The following RUNX2 variants were observed in gnomAD, a reference collection of about 807,000 sequenced individuals.
RUNX2 encodes runt-related transcription factor 2.
In RUNX2, 10 loss-of-function variants were observed where a neutral mutation model predicts 51.7. That is an observed-to-expected ratio of 0.19 (90% CI 0.12 to 0.33). The LOEUF is 0.33. Among genes scored for constraint, RUNX2 ranks in the 10% least tolerant of loss-of-function variants. The probability of loss-of-function intolerance (pLI) is 1.00; values close to 1 mark genes in which losing one functional copy is unlikely to be tolerated. For missense variants in RUNX2, 562 were observed against 691.3 expected (o/e 0.81, Z 2.10); for synonymous variants, 276 against 273.6 (o/e 1.01, Z -0.09).
At chr6:45,462,037 C>G (rs961104193) in intron 5 of RUNX2, among the ~76,000 whole-genome samples, 1 of 151,682 alleles carries the variant, frequency 6.6e-6, no homozygotes, top group Admixed American at 6.6e-5. Context: ...GACCCTCATA[C>G]AAACAAATAA....
intron 2 of RUNX2, chr6:45,421,449 C>G (rs1220550590): frequency 6.6e-6 from 1 of 152,184 alleles, no homozygotes; most frequent in African/African-American, 2.4e-5. Context: ...ACACCCAAAC[C>G]CTGCAAAATC....
intron 2 of RUNX2, among the ~76,000 whole-genome samples, chr6:45,331,858 G>A (rs371627897): frequency 6.6e-6 from 1 of 151,830 alleles, no homozygotes; most frequent in Non-Finnish European, 1.5e-5. Flanking sequence ...GCTAACAACT[G>A]ATAGTTTGAC....
At chr6:45,430,118 CACTT>C (rs1379434357) in intron 3 of RUNX2, among the ~76,000 whole-genome samples, 1 of 151,368 alleles carries the variant, frequency 6.6e-6, no homozygotes, top group East Asian at 1.9e-4. Flanking sequence ...ATTAATAAAA[CACTT>C]ACCATGTGCT....
intron 4 of RUNX2, among the ~76,000 whole-genome samples, chr6:45,433,758 C>G (rs899630186): frequency 6.6e-6 from 1 of 152,042 alleles, no homozygotes; most frequent in Admixed American, 6.6e-5. Context: ...TGAGTTTTGG[C>G]TGGTTTCCCA....
chr6:45,431,833 T>C (rs373177134), intron 3 of RUNX2, 30 bp from the exon 4 acceptor site: 5 of 1,612,570 alleles, frequency 3.1e-6, no homozygotes, highest in Non-Finnish European at 4.2e-6. Context: ...GATGTGCCAT[T>C]ATTGCTGCTG....
chr6:45,547,180 A>G lies in RUNX2; in HGVS notation c.1441A>G (p.Thr481Ala), dbSNP rs768220317. ...ATGCACCACCACCTCGAATGGCAGC[A>G]CGCTATTAAATCCAAATTTGCCTAA... Reference protein sequence around the residue: ...PPCTTTSNGSTLLNPNLPNQN... With the variant: ...PPCTTTSNGSALLNPNLPNQN... The change falls in exon 9 of 9, where the codon ACG becomes GCG. Residue 481 changes from threonine to alanine, a missense_variant. This residue lies in a region of RUNX2 where 304 missense variants were observed against 353.2 expected (regional missense o/e 0.86). Transcript: ENST00000647337. 1 of 1,614,152 alleles carries G rather than the reference A, an allele frequency of 6.2e-7. No individual in the cohort carries two copies.
At chr6:45,407,518 G>A (rs1797863004) in intron 2 of RUNX2, among the ~76,000 whole-genome samples, 1 of 151,750 alleles carries the variant, frequency 6.6e-6, no homozygotes, top group Non-Finnish European at 1.5e-5. Flanking sequence ...TTGAGATAGG[G>A]TCCCCCTCTG....
chr6:45,399,349 CTTTTTTTTTTTTTTT>C (rs398048486), intron 2 of RUNX2, among the ~76,000 whole-genome samples: 15 of 57,348 alleles, frequency 2.6e-4, no homozygotes, highest in Admixed American at 6.7e-4. Context: ...CTTTTCTTTC[CTTTTTTTTTTTTTTT>C]TTTTTTTTTT....
Position 45,422,771 on chromosome 6 carries a change from G to GGCGGCGGCGGCT in RUNX2, c.249_260dup (p.Ala86_Ala89dup), listed in dbSNP as rs1408706595. 10 of 1,480,254 alleles carry GGCGGCGGCGGCT rather than the reference G, an allele frequency of 6.8e-6. No individual in the cohort carries two copies. The highest frequency in any genetic ancestry group is 8.9e-6 in the Non-Finnish European group (10 of 1,120,622). The allele number at this position is 1,480,254 out of a possible 1,614,324, so 91.7% of individuals were successfully genotyped here. On this transcript the variant is annotated inframe_insertion, in exon 3 of 9. Coordinates refer to ENST00000647337, the MANE Select transcript of RUNX2 (RefSeq NM_001024630.4). ...AGGAGGCGGCGGCGGCGGCTGCGGC[G>GGCGGCGGCGGCT]GCGGCGGCGGCTGCGGCGGCGGCAG...
chr6:45,363,809 T>C (rs1794676381), intron 2 of RUNX2, among the ~76,000 whole-genome samples: 1 of 152,008 alleles, frequency 6.6e-6, no homozygotes, highest in African/African-American at 2.4e-5. Context: ...TGTAATCAAT[T>C]TTTGGCTTTA....
rs1043245081 is a variant in RUNX2, at chr6:45,412,380, A to C, written c.59-10213A>C. Among the ~76,000 whole-genome samples the C allele has an allele frequency of 4.6e-4, 69 of 150,256 alleles. 1 individual carries two copies. In the Middle Eastern group the frequency reaches 0.01, roughly 22 times the overall value. On this transcript the variant is annotated intron_variant, in intron 2 of 8. Coordinates refer to ENST00000647337, the MANE Select transcript of RUNX2 (RefSeq NM_001024630.4). ...CAAAAAATAAAAAATAAAAAACAAA[A>C]CCCCCCAAAAAAAAGAAGACTTGCT... is the stretch of plus-strand genomic sequence containing the variant.
rs144910654 is a variant in RUNX2 at position 45,463,931 on chromosome 6, C to T, written c.685+25880C>T. Among the ~76,000 whole-genome samples the T allele has an allele frequency of 6.6e-3, 1,000 of 152,268 alleles. 9 individuals are homozygous for T. The highest frequency in any genetic ancestry group is 0.022 in the African/African-American group (904 of 41,536). On this transcript the variant is annotated intron_variant, in intron 5 of 8. Transcript: ENST00000647337. ...AACATCAGCCGGGCACGGTGGCTCA[C>T]GCCTGTAATCCCAGCACATTGGGAG...
chr6:45,331,126 T>TGGGC, intron 2 of RUNX2, among the ~76,000 whole-genome samples: 1 of 132,916 alleles, frequency 7.5e-6, no homozygotes, highest in South Asian at 2.2e-4. Flanking sequence ...TGTGTGTGTG[T>TGGGC]GCGCGCGCGC....
chr6:45,374,479 C>T (rs1172094424), intron 2 of RUNX2, among the ~76,000 whole-genome samples: 6 of 152,134 alleles, frequency 3.9e-5, no homozygotes, highest in South Asian at 2.1e-4. Context: ...AGCAGCAGAG[C>T]GAGAACTCAA....
At position 45,390,396 on chromosome 6, in the gene RUNX2, T is replaced by G. The variant is rs77596114; in HGVS notation, c.59-32197T>G. Among the ~76,000 whole-genome samples the G allele has an allele frequency of 2.1e-3, 315 of 152,362 alleles. 2 individuals are homozygous for G. Among genetic ancestry groups the G allele is most frequent in the African/African-American group, 7.4e-3 (306 of 41,594 alleles). On this transcript the variant is annotated intron_variant, in intron 2 of 8. Coordinates refer to ENST00000647337, the MANE Select transcript of RUNX2 (RefSeq NM_001024630.4). ...GCAGTACCCCAACCTGGAAACCTGT[T>G]TTTCTTCTGAACAACTACAGGAAAC...
intron 2 of RUNX2, among the ~76,000 whole-genome samples, chr6:45,350,746 C>G (rs1791844411): frequency 6.6e-6 from 1 of 152,078 alleles, no homozygotes; most frequent in African/African-American, 2.4e-5. Flanking sequence ...AGGATAAGCT[C>G]TTTTTGTCAG....
intron 2 of RUNX2, among the ~76,000 whole-genome samples, chr6:45,339,289 G>C (rs1789272603): frequency 6.6e-6 from 1 of 152,140 alleles, no homozygotes; most frequent in Non-Finnish European, 1.5e-5. Flanking sequence ...TCTTGGGGAA[G>C]AGCAGCTTGT....
rs1274955775 is a variant in RUNX2, at chr6:45,358,766, T to TG, written c.58+29982_58+29983insG. On this transcript the variant is annotated intron_variant, in intron 2 of 8. Transcript: ENST00000647337. ...TACTGTACATAAATCACATAATACTTTCAGCAGAGTCTAGAGAAGCATTCA... is the reference window on the plus strand; with the variant it reads ...TACTGTACATAAATCACATAATACTTGTCAGCAGAGTCTAGAGAAGCATTCA... Among the ~76,000 whole-genome samples the TG allele has an allele frequency of 2.6e-5, 4 of 152,264 alleles. No homozygotes were observed. In the South Asian group the frequency reaches 8.3e-4, roughly 32 times the overall value.
chr6:45,520,318 A>G (rs1267975284), intron 7 of RUNX2, among the ~76,000 whole-genome samples: 1 of 152,160 alleles, frequency 6.6e-6, no homozygotes, highest in Non-Finnish European at 1.5e-5. Flanking sequence ...GGTTTTCTGT[A>G]TCTTGGGTGC....
Sources: gnomAD v4.1 joint callset for allele counts (sites outside exome capture counted in the v4.1 genomes callset) on GRCh38, gnomAD v4.1.1 for gene constraint, gnomAD v4.1.1 regional missense constraint, MANE v1.5 for transcripts, NCBI Gene and HGNC (gene_info 2026-07-23, HGNC 2026-07-21) for gene names.